The following WWOX variants were observed in gnomAD, a reference collection of about 807,000 sequenced individuals.
The protein encoded by WWOX is WW domain-containing oxidoreductase.
A neutral mutation model predicts 46.2 loss-of-function variants in WWOX; 69 were observed. That is an observed-to-expected ratio of 1.49 (90% CI 1.23 to 1.82). The LOEUF is 1.82. Ranked by LOEUF, WWOX falls within the 40% of genes most tolerant of loss-of-function variation. The probability of loss-of-function intolerance (pLI) is 0.00; values close to 1 mark genes in which losing one functional copy is unlikely to be tolerated. For synonymous variants in WWOX, 359 were observed against 202.6 expected, an observed-to-expected ratio of 1.77 and a Z score of -6.56; for missense variants, 919 against 542.6, an observed-to-expected ratio of 1.69 and a Z score of -6.89.
chr16:78,337,213 A>G (rs893142702), intron 5 of WWOX, among the ~76,000 whole-genome samples: 2 of 152,168 alleles, frequency 1.3e-5, no homozygotes, highest in Admixed American at 6.5e-5. Flanking sequence ...AAATCCCTCA[A>G]TGTGTTGACC....
chr16:79,102,551 A>G (rs992802740), intron 8 of WWOX, among the ~76,000 whole-genome samples: 1 of 152,188 alleles, frequency 6.6e-6, no homozygotes, highest in African/African-American at 2.4e-5. Context: ...CTTTGAAGGA[A>G]ATCATACTTT....
chr16:78,602,215 C>T (rs888677191), intron 8 of WWOX, among the ~76,000 whole-genome samples: 3 of 152,034 alleles, frequency 2.0e-5, no homozygotes, highest in Admixed American at 6.6e-5. Context: ...TTTTATTCTC[C>T]TGTTCTCTTC....
chr16:79,013,689 T>G (rs2047357815), intron 8 of WWOX, among the ~76,000 whole-genome samples: 1 of 152,310 alleles, frequency 6.6e-6, no homozygotes, highest in East Asian at 1.9e-4. Context: ...TCTACCCAAG[T>G]TGACTTGGAG....
chr16:78,324,149 C>G (rs952343154), intron 5 of WWOX, among the ~76,000 whole-genome samples: 2 of 152,046 alleles, frequency 1.3e-5, no homozygotes, highest in African/African-American at 4.8e-5. Context: ...AGACCGTGGC[C>G]TTTGTCATTC....
chr16:78,126,112 C>G (rs2033350012), intron 4 of WWOX, among the ~76,000 whole-genome samples: 1 of 152,092 alleles, frequency 6.6e-6, no homozygotes, highest in African/African-American at 2.4e-5. Flanking sequence ...TCTTAAATGG[C>G]TGCATAGTAT....
intron 7 of WWOX, 82 bp downstream of exon 7, chr16:78,425,137 A>G: frequency 1.3e-6 from 2 of 1,572,252 alleles, no homozygotes; most frequent in South Asian, 2.2e-5. Flanking sequence ...TTCTGAAAAT[A>G]ATTTTCATTA....
At chr16:79,129,129 T>C (rs2049822610) in intron 8 of WWOX, among the ~76,000 whole-genome samples, 1 of 152,078 alleles carries the variant, frequency 6.6e-6, no homozygotes, top group Non-Finnish European at 1.5e-5. Context: ...AGTTATAAAA[T>C]GTTGCCTCCT....
intron 8 of WWOX, among the ~76,000 whole-genome samples, chr16:78,520,560 T>G (rs2043326180): frequency 6.7e-6 from 1 of 148,676 alleles, no homozygotes; most frequent in Non-Finnish European, 1.5e-5. Context: ...CAGCACAGAT[T>G]GGCAGTGGAT....
At chr16:78,215,848 C>T (rs2036702342) in intron 5 of WWOX, among the ~76,000 whole-genome samples, 1 of 151,872 alleles carries the variant, frequency 6.6e-6, no homozygotes, top group Non-Finnish European at 1.5e-5. Flanking sequence ...ATCGCTTGAA[C>T]CTGGAAGGTG....
intron 8 of WWOX, chr16:79,203,865 G>A (rs897427913): frequency 2.0e-5 from 3 of 152,148 alleles, no homozygotes; most frequent in Admixed American, 2.0e-4. Context: ...CGCAGTACAC[G>A]AGCTAGCTAT....
chr16:78,753,110 C>T (rs927492140), intron 8 of WWOX, among the ~76,000 whole-genome samples: 1 of 152,100 alleles, frequency 6.6e-6, no homozygotes, highest in Non-Finnish European at 1.5e-5. Flanking sequence ...TCCTGGCTAA[C>T]ATGGTGAAAC....
chr16:79,077,407 A>G (rs1216358326), intron 8 of WWOX: 2 of 152,168 alleles, frequency 1.3e-5, no homozygotes, highest in African/African-American at 2.4e-5. Flanking sequence ...ACATGCATGC[A>G]CAGAGACCTG....
chr16:78,177,651 G>A (rs750108574), intron 5 of WWOX, among the ~76,000 whole-genome samples: 27 of 152,188 alleles, frequency 1.8e-4, no homozygotes, highest in Non-Finnish European at 2.9e-4. Flanking sequence ...ATCATTCGGG[G>A]CCTTGGATTC....
chr16:78,316,185 G>A (rs561899283), intron 5 of WWOX, among the ~76,000 whole-genome samples: 4 of 151,926 alleles, frequency 2.6e-5, no homozygotes, highest in Non-Finnish European at 5.9e-5. Context: ...GGTGGAGGTT[G>A]CATTCAGTCG....
intron 8 of WWOX, among the ~76,000 whole-genome samples, chr16:78,631,187 C>T (rs1230778474): frequency 6.6e-6 from 1 of 152,170 alleles, no homozygotes; most frequent in Non-Finnish European, 1.5e-5. Context: ...AACCAGTCCC[C>T]TTTGGATACT....
chr16:78,990,410 G>A (rs886381984), intron 8 of WWOX, among the ~76,000 whole-genome samples: 9 of 152,170 alleles, frequency 5.9e-5, no homozygotes, highest in Non-Finnish European at 1.0e-4. Context: ...CTAGTTCTGG[G>A]CTAGGGAATG....
At chr16:78,333,873 AACAC>A (rs1192789447) in intron 5 of WWOX, among the ~76,000 whole-genome samples, 1 of 152,208 alleles carries the variant, frequency 6.6e-6, no homozygotes, top group African/African-American at 2.4e-5. Context: ...AAAAAGAAAA[AACAC>A]AGAACAACAC....
intron 5 of WWOX, among the ~76,000 whole-genome samples, chr16:78,204,990 G>T (rs1454127236): frequency 6.6e-6 from 1 of 152,236 alleles, no homozygotes; most frequent in African/African-American, 2.4e-5. Flanking sequence ...TATCCAATCA[G>T]TTAATAAATA....
At chr16:78,879,107 C>G (rs541662530) in intron 8 of WWOX, among the ~76,000 whole-genome samples, 2 of 152,110 alleles carry the variant, frequency 1.3e-5, no homozygotes, top group East Asian at 3.9e-4. Context: ...AACAAATTAA[C>G]TTCTGTAATC....
Sources: allele counts gnomAD v4.1 joint callset (sites outside exome capture counted in the v4.1 genomes callset), GRCh38; gene constraint gnomAD v4.1.1; transcripts MANE v1.5; gene names NCBI Gene and HGNC (gene_info 2026-07-23, HGNC 2026-07-21).